LGR6: variants seen among roughly 807,000 people sequenced by gnomAD.
LGR6 encodes leucine rich repeat containing G protein-coupled receptor 6.
LGR6 carries 45 observed loss-of-function variants against 69.4 expected under a neutral mutation model. That is an observed-to-expected ratio of 0.65 (90% CI 0.51 to 0.83). The LOEUF (loss-of-function observed/expected upper bound fraction) is 0.83, where lower values mean the gene tolerates loss of function less well. LGR6 is among the 40% of genes least tolerant of loss of function. The pLI is 0.00. For synonymous variants in LGR6, 538 were observed against 555.0 expected, an observed-to-expected ratio of 0.97 and a Z score of 0.43; for missense variants, 1,108 against 1,246.7, an observed-to-expected ratio of 0.89 and a Z score of 1.68.
At chr1:202,286,585 G>A (rs1001271935) in intron 6 of LGR6, among the ~76,000 whole-genome samples, 9 of 152,196 alleles carry the variant, frequency 5.9e-5, no homozygotes, top group Admixed American at 6.5e-5. Context: ...TTGGCCCAGC[G>A]TCAGCCCATC....
At chr1:202,245,920 TTGCATCCATCCA>T (rs907207637) in intron 4 of LGR6, among the ~76,000 whole-genome samples, 2 of 151,666 alleles carry the variant, frequency 1.3e-5, no homozygotes, top group East Asian at 1.9e-4. Context: ...CCATTCATCC[TTGCATCCATCCA>T]TGCATCCATC....
At chr1:202,255,003 A>G (rs1299999676) in intron 4 of LGR6, among the ~76,000 whole-genome samples, 1 of 151,918 alleles carries the variant, frequency 6.6e-6, no homozygotes. Context: ...GGGCGCGGGG[A>G]TGGGGTGTGA....
chr1:202,218,932 C>T (rs188029519), intron 1 of LGR6, among the ~76,000 whole-genome samples: 272 of 152,292 alleles, frequency 1.8e-3, no homozygotes, highest in African/African-American at 6.3e-3. Context: ...TTGTCAACTC[C>T]TTGATGGCCC....
intron 1 of LGR6, among the ~76,000 whole-genome samples, chr1:202,202,628 G>A (rs1658876400): frequency 6.6e-6 from 1 of 152,246 alleles, no homozygotes; most frequent in African/African-American, 2.4e-5. Context: ...ACAGTGCTTG[G>A]CACATAGCAA....
At chr1:202,300,570 G>A (rs139813048) in intron 7 of LGR6, among the ~76,000 whole-genome samples, 2,497 of 151,720 alleles carry the variant, frequency 0.016, 77 homozygotes, top group African/African-American at 0.057. Context: ...CAGGAGAATC[G>A]CTTGAGCCCA....
intron 1 of LGR6, among the ~76,000 whole-genome samples, chr1:202,200,726 C>T (rs1397109355): frequency 6.6e-6 from 1 of 152,180 alleles, no homozygotes; most frequent in East Asian, 1.9e-4. Context: ...CAATTCAGGT[C>T]TCTCCTCCCG....
intron 1 of LGR6, among the ~76,000 whole-genome samples, chr1:202,219,144 C>T (rs529994574): frequency 6.6e-6 from 1 of 152,354 alleles, no homozygotes; most frequent in Admixed American, 6.5e-5. Context: ...AAAAATTCAG[C>T]AAGTGTTCTC....
At chr1:202,265,304 G>C (rs1037937678) in intron 4 of LGR6, among the ~76,000 whole-genome samples, 1 of 152,104 alleles carries the variant, frequency 6.6e-6, no homozygotes, top group Non-Finnish European at 1.5e-5. Flanking sequence ...CTCAGGCTCC[G>C]ACTCCCCAGA....
At chr1:202,258,696 A>T (rs1443969570) in intron 4 of LGR6, among the ~76,000 whole-genome samples, 1 of 152,026 alleles carries the variant, frequency 6.6e-6, no homozygotes, top group African/African-American at 2.4e-5. Context: ...TGATCACTTT[A>T]TTAAATTCTC....
At chr1:202,307,702 G>A (rs1157823724) in intron 14 of LGR6, among the ~76,000 whole-genome samples, 1 of 152,144 alleles carries the variant, frequency 6.6e-6, no homozygotes, top group Non-Finnish European at 1.5e-5. Context: ...CACCAACAAA[G>A]AGGATATATT....
chr1:202,235,382 G>C (rs1051385057), intron 3 of LGR6, among the ~76,000 whole-genome samples: 1 of 152,166 alleles, frequency 6.6e-6, no homozygotes, highest in African/African-American at 2.4e-5. Flanking sequence ...CATGAGAATA[G>C]TGCAGATACA....
intron 3 of LGR6, among the ~76,000 whole-genome samples, chr1:202,231,443 C>T (rs748227003): frequency 6.6e-6 from 1 of 152,208 alleles, no homozygotes; most frequent in Non-Finnish European, 1.5e-5. Flanking sequence ...CTGCTGCCCT[C>T]ATCCTTTCAA....
chr1:202,266,751 T>C (rs1214270907), intron 4 of LGR6, among the ~76,000 whole-genome samples: 1 of 152,078 alleles, frequency 6.6e-6, no homozygotes, highest in Non-Finnish European at 1.5e-5. Flanking sequence ...CAGTTATTCC[T>C]CAAGACTCAC....
chr1:202,257,434 G>A (rs1663865812), intron 4 of LGR6, among the ~76,000 whole-genome samples: 1 of 152,106 alleles, frequency 6.6e-6, no homozygotes, highest in Non-Finnish European at 1.5e-5. Flanking sequence ...ACAGTTTTAG[G>A]TCTTTAAACC....
chr1:202,274,926 A>G (rs1004354585), intron 4 of LGR6, among the ~76,000 whole-genome samples: 11 of 152,146 alleles, frequency 7.2e-5, no homozygotes, highest in Non-Finnish European at 1.3e-4. Context: ...CACACCCAAG[A>G]CTTCAGTGTT....
intron 4 of LGR6, among the ~76,000 whole-genome samples, chr1:202,241,658 TG>T (rs1401943670): frequency 1.0e-5 from 1 of 96,664 alleles, no homozygotes; most frequent in East Asian, 3.0e-4. Flanking sequence ...AAATAGAAAC[TG>T]GGTGGGGGTG....
chr1:202,229,886 G>A (rs996712511), intron 3 of LGR6, among the ~76,000 whole-genome samples: 1 of 152,168 alleles, frequency 6.6e-6, no homozygotes, highest in African/African-American at 2.4e-5. Context: ...CCTCTTACAT[G>A]CTTCAAAGCA....
At chr1:202,245,283 C>A (rs1054879403) in intron 4 of LGR6, among the ~76,000 whole-genome samples, 10 of 69,338 alleles carry the variant, frequency 1.4e-4, no homozygotes, top group Non-Finnish European at 2.6e-4. Context: ...ACGTTTGGGG[C>A]AGAGGCTGCT....
At chr1:202,225,926 T>C (rs1660514301) in intron 2 of LGR6, among the ~76,000 whole-genome samples, 2 of 152,146 alleles carry the variant, frequency 1.3e-5, no homozygotes, top group African/African-American at 4.8e-5. Context: ...ACCAGCCTCC[T>C]AACTGACAGA....
Sources: allele counts gnomAD v4.1 joint callset (sites outside exome capture counted in the v4.1 genomes callset), GRCh38; gene constraint gnomAD v4.1.1; transcripts MANE v1.5; gene names NCBI Gene and HGNC (gene_info 2026-07-23, HGNC 2026-07-21).